Variants in STX7 observed in about 807,000 individuals in gnomAD.
STX7 encodes the protein syntaxin-7.
Under a neutral mutation model 39.6 loss-of-function variants are expected in STX7, and 34 were observed. The ratio of observed to expected loss-of-function variants is 0.86; its 90% CI spans 0.65 to 1.14. STX7 has a LOEUF of 1.14. STX7 is among the 50% of genes most tolerant of loss of function. The pLI is 0.00. For synonymous variants in STX7, 119 were observed against 99.1 expected, an observed-to-expected ratio of 1.20 and a Z score of -1.19; for missense variants, 284 against 310.4, an observed-to-expected ratio of 0.92 and a Z score of 0.64.
chr6:132,466,412 C>A (rs1175613768), intron 8 of STX7, among the ~76,000 whole-genome samples: 2 of 152,124 alleles, frequency 1.3e-5, no homozygotes, highest in African/African-American at 4.8e-5. Flanking sequence ...GCTTTTTCTG[C>A]AAAGAGCCAG....
intron 3 of STX7, chr6:132,475,336 T>A: frequency 4.3e-6 from 1 of 232,714 alleles, no homozygotes; most frequent in East Asian, 8.4e-5. Flanking sequence ...ATTGGCCAGG[T>A]TGGTCTCGAA....
chr6:132,498,883 A>T (rs1562338019), intron 2 of STX7, among the ~76,000 whole-genome samples: 1 of 152,222 alleles, frequency 6.6e-6, no homozygotes, highest in African/African-American at 2.4e-5. Flanking sequence ...TCTCAGAATT[A>T]GAAAAAGTAC....
chr6:132,472,186 A>G, intron 4 of STX7, 96 bp downstream of exon 4: 1 of 866,542 alleles, frequency 1.2e-6, no homozygotes, highest in Non-Finnish European at 1.8e-6. Context: ...CCTTTCTAGC[A>G]TAATTTCCTT....
chr6:132,460,921 C>T (rs759418937), intron 9 of STX7, 71 bp from the exon 10 acceptor site: 4 of 1,316,306 alleles, frequency 3.0e-6, no homozygotes, highest in South Asian at 1.3e-5. Context: ...TCTACAGCAA[C>T]TAAAAATAAT....
At chr6:132,482,951 T>C (rs1334693021) in intron 2 of STX7, among the ~76,000 whole-genome samples, 1 of 151,342 alleles carries the variant, frequency 6.6e-6, no homozygotes, top group Non-Finnish European at 1.5e-5. Context: ...GAACTGTTGC[T>C]ACAGTTTTAA....
chr6:132,471,411 AC>A, intron 5 of STX7, 51 bp downstream of exon 5: 2 of 1,558,480 alleles, frequency 1.3e-6, no homozygotes, highest in Non-Finnish European at 8.7e-7. Flanking sequence ...CTTTTATGGG[AC>A]CCTTAGCAAG....
intron 9 of STX7, chr6:132,461,988 T>C (rs1774418878): frequency 1.1e-6 from 1 of 883,796 alleles, no homozygotes; most frequent in African/African-American, 1.7e-5. Flanking sequence ...ATTCCACATA[T>C]TCATCTAATT....
chr6:132,497,060 A>T (rs1000723397), intron 2 of STX7, among the ~76,000 whole-genome samples: 1 of 152,200 alleles, frequency 6.6e-6, no homozygotes, highest in Admixed American at 6.5e-5. Context: ...CTGAACATAA[A>T]CATATCCTAT....
rs1279065726 is a variant in STX7 at position 132,458,828 on chromosome 6, C to G, written c.*1930G>C. 3 of 152,076 alleles carry G rather than the reference C, an allele frequency of 2.0e-5. No individual in the cohort carries two copies. Among genetic ancestry groups the G allele is most frequent in the Non-Finnish European group, 4.4e-5 (3 of 68,022 alleles). The allele number at this position is 152,076 out of a possible 1,614,324, so 9.4% of individuals were successfully genotyped here. On this transcript the variant is annotated 3_prime_UTR_variant, in exon 10 of 10. Coordinates refer to ENST00000367941, the MANE Select transcript of STX7 (RefSeq NM_003569.3). ...TTCCTGTTTAAACCACTGATAACTG[C>G]CCCAGTTAAAATAATAATAATTTAA...
chr6:132,453,523 A>C lies in STX7; in HGVS notation c.*7235T>G, dbSNP rs1774181928. The C allele has an allele frequency of 6.6e-6, 1 of 151,614 alleles. No individual in the cohort carries two copies. Among genetic ancestry groups the C allele is most frequent in the African/African-American group, 2.4e-5 (1 of 41,316 alleles). 9.4% of individuals were successfully genotyped at this position (151,614 alleles called of 1,614,324 possible). A position where few individuals can be genotyped will look rare whatever the true frequency, so the allele number is the denominator to read the frequency against. On this transcript the variant is annotated 3_prime_UTR_variant, in exon 10 of 10. Coordinates refer to ENST00000367941, the MANE Select transcript of STX7 (RefSeq NM_003569.3). ...ATCCAACAAAGGACTAGTATCTAGA[A>C]AAAAATACACACACACACACACAGA...
intron 1 of STX7, among the ~76,000 whole-genome samples, chr6:132,509,597 G>C (rs1775798677): frequency 6.6e-6 from 1 of 152,102 alleles, no homozygotes; most frequent in Non-Finnish European, 1.5e-5. Context: ...CCACTCCTAA[G>C]ATGAAGGAAT....
Position 132,492,296 on chromosome 6 carries a change from C to T in STX7, c.85+11150G>A, listed in dbSNP as rs186118521. 1.6e-3 allele frequency among the ~76,000 whole-genome samples: 251 copies of T among 152,334 alleles called. 3 individuals carry two copies. Among genetic ancestry groups the T allele is most frequent in the Non-Finnish European group, 2.7e-3 (181 of 68,026 alleles). On this transcript the variant is annotated intron_variant, in intron 2 of 9. Transcript: ENST00000367941. ...CTCAGTATGGTCCATCCCAACTCCC[C>T]GTGCACCCTATTTATCAAATGCAAA...
intron 1 of STX7, among the ~76,000 whole-genome samples, chr6:132,504,778 A>G (rs1432149746): frequency 3.3e-5 from 5 of 152,228 alleles, no homozygotes; most frequent in Non-Finnish European, 7.3e-5. Context: ...TAAAATGAGA[A>G]GGGCTACAAA....
At chr6:132,494,005 T>C (rs1003324544) in intron 2 of STX7, among the ~76,000 whole-genome samples, 1 of 152,308 alleles carries the variant, frequency 6.6e-6, no homozygotes, top group East Asian at 1.9e-4. Context: ...ATAGAAATTC[T>C]TAAATAAATG....
intron 2 of STX7, among the ~76,000 whole-genome samples, chr6:132,483,702 T>C (rs901411188): frequency 2.0e-5 from 3 of 152,182 alleles, no homozygotes; most frequent in African/African-American, 7.2e-5. Context: ...CCTAAGTTCT[T>C]CCCCTTCTAG....
chr6:132,461,678 T>G, intron 9 of STX7: 2 of 700,378 alleles, frequency 2.9e-6, no homozygotes, highest in Non-Finnish European at 4.5e-6. Context: ...ATTCTCATTC[T>G]TTAATATTAA....
At chr6:132,484,684 A>G (rs1775087446) in intron 2 of STX7, among the ~76,000 whole-genome samples, 1 of 152,196 alleles carries the variant, frequency 6.6e-6, no homozygotes, top group Non-Finnish European at 1.5e-5. Context: ...AAATCCCTGG[A>G]CAGGTGATTT....
At chr6:132,493,972 T>C (rs929465233) in intron 2 of STX7, among the ~76,000 whole-genome samples, 2 of 152,142 alleles carry the variant, frequency 1.3e-5, no homozygotes, top group African/African-American at 2.4e-5. Flanking sequence ...ATAGATCATG[T>C]TGGAAAATAA....
Position 132,497,977 on chromosome 6 carries a change from T to C in STX7, c.85+5469A>G, listed in dbSNP as rs77415928. 4.5e-4 allele frequency among the ~76,000 whole-genome samples: 68 copies of C among 152,312 alleles called. No homozygotes were observed. The East Asian group carries it at 0.011, about 24-fold the overall frequency. On this transcript the variant is annotated intron_variant, in intron 2 of 9. Transcript: ENST00000367941. ...CAAACGATTTTGTTTGCCTGCCAAC[T>C]CCAGTCTACTGGGAATGGTTGCCTG...
Sources: allele counts gnomAD v4.1 joint callset (sites outside exome capture counted in the v4.1 genomes callset), GRCh38; gene constraint gnomAD v4.1.1; transcripts MANE v1.5; gene names NCBI Gene and HGNC (gene_info 2026-07-23, HGNC 2026-07-21).